The following MEGF10 variants were observed in gnomAD, a reference collection of about 807,000 sequenced individuals.
MEGF10 encodes multiple EGF like domains 10, also known as multiple epidermal growth factor-like domains protein 10.
In MEGF10, 86 loss-of-function variants were observed where a neutral mutation model predicts 147.5. That is an observed-to-expected ratio of 0.58 (90% CI 0.49 to 0.70). MEGF10 has a LOEUF of 0.70. Among genes scored for constraint, MEGF10 ranks in the 30% least tolerant of loss-of-function variants. MEGF10 has a pLI of 0.00. For synonymous variants in MEGF10, 478 were observed against 525.5 expected (o/e 0.91, Z 1.24); for missense variants, 1,329 against 1,487.3 (o/e 0.89, Z 1.75).
At chr5:127,283,948 A>AT in the MEGF10 span, among the ~76,000 whole-genome samples, 1 of 152,228 alleles carries the variant, frequency 6.6e-6, no homozygotes, top group Non-Finnish European at 1.5e-5. Flanking sequence ...TTGGAATCCC[A>AT]TTGTTGCCCC....
At chr5:127,253,648 G>A in the MEGF10 span, among the ~76,000 whole-genome samples, 1 of 151,936 alleles carries the variant, frequency 6.6e-6, no homozygotes, top group Admixed American at 6.6e-5. Flanking sequence ...GAGCTTTCCT[G>A]CACACTAGAA....
At chr5:127,449,282 C>T in intron 22 of MEGF10, 60 bp downstream of exon 22, 3 of 1,592,698 alleles carry the variant, frequency 1.9e-6, no homozygotes, top group Non-Finnish European at 1.7e-6. Flanking sequence ...CTGAAACAGT[C>T]ACGGATCTCT....
the MEGF10 span, among the ~76,000 whole-genome samples, chr5:127,236,005 G>C: frequency 1.3e-5 from 2 of 151,190 alleles, no homozygotes; most frequent in African/African-American, 4.9e-5. Flanking sequence ...ACAGAGTCTC[G>C]CTCTGTCACC....
intron 12 of MEGF10, among the ~76,000 whole-genome samples, chr5:127,421,369 A>G (rs1269675718): frequency 2.0e-5 from 3 of 152,236 alleles, no homozygotes; most frequent in African/African-American, 7.2e-5. Flanking sequence ...TAGACAAATA[A>G]TTATTCATCT....
chr5:127,371,652 G>A (rs1468410414), intron 5 of MEGF10, among the ~76,000 whole-genome samples: 3 of 152,144 alleles, frequency 2.0e-5, no homozygotes, highest in African/African-American at 7.2e-5. Flanking sequence ...TAAGGGCTCA[G>A]ACTGAAGTGA....
chr5:127,458,632 T>G lies in MEGF10; in HGVS notation c.*1314T>G, dbSNP rs1391947745. 6.6e-6 allele frequency: 1 copy of G among 152,212 alleles called. No individual in the cohort carries two copies. Among genetic ancestry groups the G allele is most frequent in the Non-Finnish European group, 1.5e-5 (1 of 68,038 alleles). 9.4% of individuals were successfully genotyped at this position (152,212 alleles called of 1,614,324 possible). A position where few individuals can be genotyped will look rare whatever the true frequency, so the allele number is the denominator to read the frequency against. On this transcript the variant is annotated 3_prime_UTR_variant, in exon 25 of 25. Coordinates refer to ENST00000503335, the MANE Select transcript of MEGF10 (RefSeq NM_001256545.2). ...ATTTGAATTGATTAAAATTGGTCGT[T>G]ACTAAAATAGTATAGTAACCACAAG...
intron 20 of MEGF10, among the ~76,000 whole-genome samples, chr5:127,446,793 C>T (rs192219991): frequency 2.0e-5 from 3 of 152,280 alleles, no homozygotes; most frequent in Non-Finnish European, 4.4e-5. Context: ...GTTGACACAG[C>T]GGAACCCTGA....
At chr5:127,445,021 A>C (rs1022602325) in intron 19 of MEGF10, among the ~76,000 whole-genome samples, 4 of 152,242 alleles carry the variant, frequency 2.6e-5, no homozygotes, top group Non-Finnish European at 5.9e-5. Context: ...TTGCCAGTCT[A>C]AGTATTTAAT....
chr5:127,366,785 A>T (rs909995781), intron 4 of MEGF10, among the ~76,000 whole-genome samples: 3 of 152,234 alleles, frequency 2.0e-5, no homozygotes, highest in African/African-American at 7.2e-5. Flanking sequence ...GGAATCACGC[A>T]TGAGAACATT....
rs1397699913 is a variant in MEGF10 at position 127,460,859 on chromosome 5, T to C, written c.*3541T>C. ...AGGCTTCACATCATGAAAGTGTACA[T>C]GCATATGCAAGTGTGAATTACGTGG... is the stretch of plus-strand genomic sequence containing the variant. On this transcript the variant is annotated 3_prime_UTR_variant, in exon 25 of 25. Coordinates refer to ENST00000503335, the MANE Select transcript of MEGF10 (RefSeq NM_001256545.2). The C allele has an allele frequency of 2.6e-5, 4 of 152,156 alleles. No homozygotes were observed. The highest frequency in any genetic ancestry group is 5.9e-5 in the Non-Finnish European group (4 of 68,020). The allele number at this position is 152,156 out of a possible 1,614,324, so 9.4% of individuals were successfully genotyped here. A position where few individuals can be genotyped will look rare whatever the true frequency, so the allele number is the denominator to read the frequency against.
intron 4 of MEGF10, among the ~76,000 whole-genome samples, chr5:127,341,208 CA>C (rs1438155606): frequency 2.6e-5 from 4 of 152,200 alleles, no homozygotes; most frequent in African/African-American, 9.7e-5. Flanking sequence ...TCTTATGACA[CA>C]CTTCAGAGAA....
At chr5:127,327,473 A>T (rs888121912) in intron 1 of MEGF10, among the ~76,000 whole-genome samples, 6 of 152,136 alleles carry the variant, frequency 3.9e-5, no homozygotes, top group African/African-American at 9.7e-5. Context: ...TACTATTTTT[A>T]AAAAATTGCA....
chr5:127,247,340 AG>A, the MEGF10 span, among the ~76,000 whole-genome samples: 4 of 2,458 alleles, frequency 1.6e-3, 1 homozygote, highest in South Asian at 0.022. Context: ...AAGAAGAAGA[AG>A]AAGAAGAAGA....
Position 127,460,580 on chromosome 5 carries a change from A to G in MEGF10, c.*3262A>G, listed in dbSNP as rs1191455118. On this transcript the variant is annotated 3_prime_UTR_variant, in exon 25 of 25. Coordinates refer to ENST00000503335, the MANE Select transcript of MEGF10 (RefSeq NM_001256545.2). ...CAAACAACTTTATGAAAGTGTGGTC[A>G]TCTTGACCCCCAAAGAGCCACAGTA... The G allele has an allele frequency of 6.6e-6, 1 of 152,178 alleles. No homozygotes were observed. The highest frequency in any genetic ancestry group is 1.5e-5 in the Non-Finnish European group (1 of 68,014). The allele number at this position is 152,178 out of a possible 1,614,324, so 9.4% of individuals were successfully genotyped here. A position where few individuals can be genotyped will look rare whatever the true frequency, so the allele number is the denominator to read the frequency against.
In MEGF10 at chr5:127,410,549, T is replaced by TA; in HGVS notation, c.1079dup (p.Tyr360Ter). 1.2e-6 allele frequency: 2 copies of TA among 1,612,798 alleles called. No individual in the cohort carries two copies. The highest frequency in any genetic ancestry group is 1.7e-6 in the Non-Finnish European group (2 of 1,179,960). The change falls in exon 9 of 25, where the codon TAC (tyrosine) becomes TAAC (stop). Residue 360 changes from tyrosine to a stop codon, truncating the protein, a stop_gained and frameshift_variant. Transcript: ENST00000503335. LOFTEE classifies it high-confidence loss of function. ...CEARLCPEGL[Y>*]GIKCDKRCPC... The stretch of plus-strand genomic sequence containing the variant: ...AGCACGCCTGTGTCCTGAGGGGCTC[T>TA]ACGGCATCAAATGTGACAAACGGTG...
At chr5:127,345,460 G>T (rs1245572296) in intron 4 of MEGF10, among the ~76,000 whole-genome samples, 1 of 152,126 alleles carries the variant, frequency 6.6e-6, no homozygotes, top group Admixed American at 6.6e-5. Flanking sequence ...AGCAGAGAGT[G>T]TGGGCAACAG....
the MEGF10 span, among the ~76,000 whole-genome samples, chr5:127,259,928 G>A: frequency 6.6e-6 from 1 of 152,204 alleles, no homozygotes; most frequent in South Asian, 2.1e-4. Flanking sequence ...AGACTGAGGT[G>A]GGCAGATCAG....
chr5:127,399,160 A>G (rs1009380569), intron 7 of MEGF10, among the ~76,000 whole-genome samples: 6 of 152,176 alleles, frequency 3.9e-5, no homozygotes, highest in Admixed American at 3.3e-4. Flanking sequence ...TTGTTCCATG[A>G]GTTGCTGTTG....
intron 8 of MEGF10, among the ~76,000 whole-genome samples, chr5:127,409,067 A>G (rs1764447450): frequency 6.6e-6 from 1 of 152,110 alleles, no homozygotes; most frequent in Non-Finnish European, 1.5e-5. Flanking sequence ...ATAGAGGCAG[A>G]CCCTGTCTCA....
Sources: gnomAD v4.1 joint callset for allele counts (sites outside exome capture counted in the v4.1 genomes callset) on GRCh38, gnomAD v4.1.1 for gene constraint, MANE v1.5 for transcripts, NCBI Gene and HGNC (gene_info 2026-07-23, HGNC 2026-07-21) for gene names.